Variants in LPA observed in about 807,000 individuals in gnomAD.
LPA encodes apolipoprotein(a).
Under a neutral mutation model 197.9 loss-of-function variants are expected in LPA, and 199 were observed. The observed-to-expected ratio is 1.01, with a 90% confidence interval of 0.90 to 1.13. The LOEUF (loss-of-function observed/expected upper bound fraction) is 1.13. Among genes scored for constraint, LPA ranks in the 50% most tolerant of loss-of-function variants. The pLI is 0.00. For synonymous variants in LPA, 715 were observed against 639.5 expected (o/e 1.12, Z -1.78); for missense variants, 1,853 against 1,785.8 (o/e 1.04, Z -0.68).
chr6:160,563,242 G>A (rs1308884830), intron 28 of LPA, among the ~76,000 whole-genome samples: 1 of 152,156 alleles, frequency 6.6e-6, no homozygotes, highest in Non-Finnish European at 1.5e-5. Flanking sequence ...CTTTAGCTGT[G>A]TACCAGAGAT....
At chr6:160,533,038 A>G (rs1171697716) in intron 37 of LPA, among the ~76,000 whole-genome samples, 2 of 152,162 alleles carry the variant, frequency 1.3e-5, no homozygotes, top group Non-Finnish European at 2.9e-5. Context: ...CATAATGCAC[A>G]ATTTCCTATA....
intron 26 of LPA, 41 bp downstream of exon 26, chr6:160,585,005 G>A (rs1290227146): frequency 6.2e-7 from 1 of 1,608,212 alleles, no homozygotes; most frequent in South Asian, 1.1e-5. Flanking sequence ...AGAAATTTTA[G>A]TTGACTATTG....
Position 160,556,504 on chromosome 6 carries a change from C to T in LPA, c.4814-320G>A, listed in dbSNP as rs41264324. Among the ~76,000 whole-genome samples the T allele has an allele frequency of 5.3e-3, 801 of 152,052 alleles. 3 individuals are homozygous for T. Among genetic ancestry groups the T allele is most frequent in the Middle Eastern group, 0.01 (3 of 294 alleles). ...GAAAACAATGAGGCAGGAAACCAGA[C>T]GATGATGGATTAGGTTATGCAGGCT... On this transcript the variant is annotated intron_variant, in intron 29 of 38. Transcript: ENST00000316300.
At chr6:160,604,641 T>C (rs1024232444) in intron 18 of LPA, among the ~76,000 whole-genome samples, 3 of 152,190 alleles carry the variant, frequency 2.0e-5, no homozygotes, top group African/African-American at 4.8e-5. Context: ...TATACATATA[T>C]ACTTTCCTTG....
chr6:160,608,909 T>C (rs1329046329), intron 16 of LPA, among the ~76,000 whole-genome samples: 1 of 151,818 alleles, frequency 6.6e-6, no homozygotes, highest in Non-Finnish European at 1.5e-5. Flanking sequence ...TGTAGTTGGT[T>C]CTGTAGAATT....
intron 1 of LPA, among the ~76,000 whole-genome samples, chr6:160,650,808 A>G (rs1779992165): frequency 2.0e-5 from 3 of 152,204 alleles, no homozygotes; most frequent in Admixed American, 2.0e-4. Flanking sequence ...TGAGGACCAC[A>G]GGACAGGAGA....
At chr6:160,570,359 A>T (rs1034346556) in intron 28 of LPA, among the ~76,000 whole-genome samples, 1 of 152,214 alleles carries the variant, frequency 6.6e-6, no homozygotes, top group Non-Finnish European at 1.5e-5. Flanking sequence ...GCTGGAAACC[A>T]TCATTCTCAG....
intron 1 of LPA, among the ~76,000 whole-genome samples, chr6:160,660,891 T>C (rs1010174604): frequency 1.1e-4 from 16 of 152,282 alleles, no homozygotes; most frequent in Middle Eastern, 6.8e-3. Context: ...TTGATAGGCA[T>C]CCAGATTTCA....
chr6:160,589,468 A>T, intron 24 of LPA, 85 bp downstream of exon 24: 1 of 1,526,466 alleles, frequency 6.6e-7, no homozygotes, highest in Non-Finnish European at 9.1e-7. Context: ...AAATTGGGTC[A>T]TAAGAAGTTA....
intron 2 of LPA, among the ~76,000 whole-genome samples, chr6:160,649,540 T>G (rs183786611): frequency 2.6e-4 from 39 of 152,332 alleles, no homozygotes; most frequent in African/African-American, 3.8e-4. Flanking sequence ...CAGTTTTTTT[T>G]GGGCTCCATC....
At chr6:160,653,557 C>A (rs1780042829) in intron 1 of LPA, among the ~76,000 whole-genome samples, 1 of 151,812 alleles carries the variant, frequency 6.6e-6, no homozygotes, top group African/African-American at 2.4e-5. Context: ...ACCAGAAAAA[C>A]CCCTGGACCA....
At chr6:160,537,026 A>T (rs1027448589) in intron 37 of LPA, among the ~76,000 whole-genome samples, 1 of 152,200 alleles carries the variant, frequency 6.6e-6, no homozygotes, top group Non-Finnish European at 1.5e-5. Flanking sequence ...TCTATCTGGC[A>T]AGTGGCAGAG....
At position 160,606,483 on chromosome 6, in the gene LPA, CAGA is replaced by C; in HGVS notation, c.2776_2778del (p.Ser926del). ...CTGGCCACAGGCTCCTTACCTTGTT[CAGA>C]AGGAGCCTCTAGGCTTGGAATCGGG... On this transcript the variant is annotated inframe_deletion, in exon 17 of 39. Coordinates refer to ENST00000316300, the MANE Select transcript of LPA (RefSeq NM_005577.4). 1 of 1,613,402 alleles carries C rather than the reference CAGA, an allele frequency of 6.2e-7. No homozygotes were observed. Among genetic ancestry groups the C allele is most frequent in the Non-Finnish European group, 8.5e-7 (1 of 1,179,810 alleles).
At chr6:160,564,936 G>T (rs1778424615) in intron 28 of LPA, among the ~76,000 whole-genome samples, 1 of 152,218 alleles carries the variant, frequency 6.6e-6, no homozygotes, top group South Asian at 2.1e-4. Flanking sequence ...TAGCACAGTA[G>T]TCTGAGACCG....
chr6:160,597,160 T>C (rs1265289157), intron 20 of LPA, among the ~76,000 whole-genome samples: 1 of 152,212 alleles, frequency 6.6e-6, no homozygotes, highest in East Asian at 1.9e-4. Flanking sequence ...TTCGGTATAA[T>C]GTTAAATAGG....
chr6:160,655,870 T>C (rs779438914), intron 1 of LPA, among the ~76,000 whole-genome samples: 5 of 152,168 alleles, frequency 3.3e-5, no homozygotes, highest in Non-Finnish European at 7.3e-5. Flanking sequence ...AATAAGATTA[T>C]GACACAAAGC....
chr6:160,531,589 A>G lies in LPA; in HGVS notation c.*140T>C, dbSNP rs41266381. The G allele has an allele frequency of 1.7e-6, 2 of 1,189,046 alleles. No individual in the cohort carries two copies. The highest frequency in any genetic ancestry group is 3.1e-5 in the African/African-American group (2 of 65,496). 73.7% of individuals were successfully genotyped at this position (1,189,046 alleles called of 1,614,324 possible). ...TTAAAAGCTTATACACAAAAATACCAAAAATGCCAAGGTTTGGCATAGCTG... is the reference window on the plus strand; with the variant it reads ...TTAAAAGCTTATACACAAAAATACCGAAAATGCCAAGGTTTGGCATAGCTG... On this transcript the variant is annotated 3_prime_UTR_variant, in exon 39 of 39. Transcript: ENST00000316300.
At chr6:160,593,321 T>C (rs1195212085) in intron 22 of LPA, among the ~76,000 whole-genome samples, 1 of 152,196 alleles carries the variant, frequency 6.6e-6, no homozygotes, top group Non-Finnish European at 1.5e-5. Context: ...ACTTTTCCTA[T>C]GTATTTGATA....
At chr6:160,549,235 G>C (rs1407497158) in intron 30 of LPA, among the ~76,000 whole-genome samples, 1 of 152,168 alleles carries the variant, frequency 6.6e-6, no homozygotes, top group East Asian at 1.9e-4. Context: ...GAGATTACAA[G>C]TCAAGATGAG....
Sources: allele counts gnomAD v4.1 joint callset (sites outside exome capture counted in the v4.1 genomes callset), GRCh38; gene constraint gnomAD v4.1.1; transcripts MANE v1.5; gene names NCBI Gene and HGNC (gene_info 2026-07-23, HGNC 2026-07-21).